RNF123: variants seen among roughly 807,000 people sequenced by gnomAD.
RNF123 encodes the protein E3 ubiquitin-protein ligase RNF123.
A neutral mutation model predicts 168.5 loss-of-function variants in RNF123; 86 were observed. The observed-to-expected ratio is 0.51, with a 90% CI of 0.43 to 0.61. The LOEUF (loss-of-function observed/expected upper bound fraction) is 0.61. Among genes scored for constraint, RNF123 ranks in the 20% least tolerant of loss-of-function variants. The pLI, the probability that RNF123 is intolerant of heterozygous loss-of-function variation, is 0.00. For missense variants in RNF123, 1,419 were observed against 1,729.7 expected (o/e 0.82, Z 3.19); for synonymous variants, 666 against 689.1 (o/e 0.97, Z 0.52).
chr3:49,720,949 A>G, intron 37 of RNF123, 55 bp downstream of exon 37: 1 of 1,609,220 alleles, frequency 6.2e-7, no homozygotes, highest in East Asian at 2.2e-5. Flanking sequence ...GTGCACTCCT[A>G]CACAGGCACA....
At chr3:49,718,533 C>G in intron 35 of RNF123, 1 of 1,613,184 alleles carries the variant, frequency 6.2e-7, no homozygotes, top group Non-Finnish European at 8.5e-7. Context: ...GCGGCGAAAC[C>G]CAGGCAATGC....
chr3:49,700,053 GCAAT>G, intron 12 of RNF123, 170 bp from the exon 13 acceptor site: 1 of 867,386 alleles, frequency 1.2e-6, no homozygotes, highest in Non-Finnish European at 1.7e-6. Context: ...GAGCCGTGGG[GCAAT>G]GGCCTTCTTG....
chr3:49,720,583 A>G lies in RNF123; in HGVS notation c.3573A>G (p.Gly1191=). The G allele has an allele frequency of 6.2e-7, 1 of 1,612,128 alleles. No individual in the cohort carries two copies. Among genetic ancestry groups the G allele is most frequent in the Non-Finnish European group, 8.5e-7 (1 of 1,178,860 alleles). ...TACGCTCAATATGCTATCTCCTGGGACAGCCAGAGCCCCCAGCACCTGGCA... is the reference window on the plus strand; with the variant it reads ...TACGCTCAATATGCTATCTCCTGGGGCAGCCAGAGCCCCCAGCACCTGGCA... ...FQLRSICYLL[G]QPEPPAPGTA... The change falls in exon 36 of 39, where the codon GGA becomes GGG. Residue 1191 remains glycine, a synonymous_variant. Transcript: ENST00000327697.
At chr3:49,704,932 G>A in intron 22 of RNF123, 52 bp from the exon 23 acceptor site, 1 of 1,532,792 alleles carries the variant, frequency 6.5e-7, no homozygotes, top group Non-Finnish European at 8.8e-7. Flanking sequence ...AGCCCCGTGG[G>A]CCAAGGGAAC....
chr3:49,713,570 C>T lies in RNF123; in HGVS notation c.2732C>T (p.Ala911Val). The T allele has an allele frequency of 6.2e-7, 1 of 1,612,592 alleles. No homozygotes were observed. The highest frequency in any genetic ancestry group is 8.5e-7 in the Non-Finnish European group (1 of 1,179,434). ...AAILAKHFAD[A>V]RIVGTDIRDS... ...ATTCTCGCCAAACACTTTGCCGACGCACGCATTGTGGGCACTGGTGAGGGG... is the reference window on the plus strand; with the variant it reads ...ATTCTCGCCAAACACTTTGCCGACGTACGCATTGTGGGCACTGGTGAGGGG... The change falls in exon 28 of 39, where the codon GCA becomes GTA. Residue 911 changes from alanine (A) to valine (V), a missense_variant. Transcript: ENST00000327697.
rs1026189193 is a variant in RNF123, at chr3:49,702,107, T to C, written c.1520T>C (p.Ile507Thr). 2 of 1,614,068 alleles carry C rather than the reference T, an allele frequency of 1.2e-6. No homozygotes were observed. The highest frequency in any genetic ancestry group is 1.6e-4 in the Middle Eastern group (1 of 6,062). Reference protein sequence around the residue: ...IEVVEELQVQILKLLLDNKDD... With the variant: ...IEVVEELQVQTLKLLLDNKDD... ...GTGGTGGAAGAACTACAGGTCCAGA[T>C]CCTGAAGCTGCTGCTGGACAATAAA... The change falls in exon 18 of 39, where the codon ATC (isoleucine) becomes ACC (threonine). Residue 507 changes from isoleucine (I) to threonine (T), a missense_variant. Physicochemically the swap from Ile to Thr is moderately conservative, Grantham distance 89. This residue lies in a region of RNF123 where 349 missense variants were observed against 344.9 expected (regional missense o/e 1.01). Transcript: ENST00000327697.
intron 31 of RNF123, 39 bp downstream of exon 31, chr3:49,714,213 C>G: frequency 6.3e-7 from 1 of 1,585,144 alleles, no homozygotes; most frequent in Non-Finnish European, 8.7e-7. Flanking sequence ...GCAAGGCAGG[C>G]GGGGGCGCTT....
chr3:49,698,404 G>T (rs368745565), intron 7 of RNF123, 36 bp from the exon 8 acceptor site: 2 of 1,575,494 alleles, frequency 1.3e-6, no homozygotes, highest in African/African-American at 2.7e-5. Context: ...GACCCTGCCT[G>T]CCTCACCAGG....
In RNF123 at chr3:49,713,897, C is replaced by A. The variant is rs1267964622; in HGVS notation, c.2838-13C>A. 4 of 1,613,568 alleles carry A rather than the reference C, an allele frequency of 2.5e-6. No homozygotes were observed. The highest frequency in any genetic ancestry group is 2.5e-6 in the Non-Finnish European group (3 of 1,179,728). On this transcript the variant is annotated splice_polypyrimidine_tract_variant and intron_variant, in intron 29 of 38. Coordinates refer to ENST00000327697, the MANE Select transcript of RNF123 (RefSeq NM_022064.5). ...CCAGCCTCACCCCGTCTCTCCCCTC[C>A]TTGCCCTCACAGGCGTATCGCCATG...
intron 35 of RNF123, chr3:49,718,792 C>T: frequency 6.2e-7 from 1 of 1,613,278 alleles, no homozygotes; most frequent in Non-Finnish European, 8.5e-7. Flanking sequence ...GTAGAGGCGG[C>T]AGTCGCAAGG....
At position 49,706,055 on chromosome 3, in the gene RNF123, G is replaced by A; in HGVS notation, c.2378G>A (p.Cys793Tyr). 1 of 1,614,120 alleles carries A rather than the reference G, an allele frequency of 6.2e-7. No individual in the cohort carries two copies. Among genetic ancestry groups the A allele is most frequent in the Non-Finnish European group, 8.5e-7 (1 of 1,179,978 alleles). ...LRDTEDKLRR[C>Y]PKRRKDILAE... ...GACACAGAGGACAAGCTCCGCCGGTGCCCCAAGAGGGTAAGGCCCACATAG... is the reference window on the plus strand; with the variant it reads ...GACACAGAGGACAAGCTCCGCCGGTACCCCAAGAGGGTAAGGCCCACATAG... The change falls in exon 25 of 39, where the codon TGC (cysteine) becomes TAC (tyrosine). Residue 793 changes from cysteine (C) to tyrosine (Y), a missense_variant. Physicochemically the swap from Cys to Tyr is radical, Grantham distance 194. Coordinates refer to ENST00000327697, the MANE Select transcript of RNF123 (RefSeq NM_022064.5).
In RNF123 at chr3:49,698,963, C is replaced by T. The variant is rs1559673217; in HGVS notation, c.639-17C>T. Reference sequence around the variant, plus strand: ...CACATGCTTAGCACTGGCTCACAGACCCACCCTTCTCCCCAGGAACGGTGT... The same window carrying T: ...CACATGCTTAGCACTGGCTCACAGATCCACCCTTCTCCCCAGGAACGGTGT... On this transcript the variant is annotated splice_polypyrimidine_tract_variant and intron_variant, in intron 9 of 38. Transcript: ENST00000327697. The T allele has an allele frequency of 6.2e-7, 1 of 1,613,166 alleles. No individual in the cohort carries two copies. Among genetic ancestry groups the T allele is most frequent in the Non-Finnish European group, 8.5e-7 (1 of 1,179,634 alleles).
intron 35 of RNF123, chr3:49,717,287 C>A (rs568793567): frequency 1.3e-5 from 2 of 155,848 alleles, no homozygotes; most frequent in African/African-American, 4.8e-5. Flanking sequence ...TCTTGAGGAG[C>A]CTTTCCTGCC....
rs372040126 is a variant in RNF123 at position 49,706,017 on chromosome 3, T to C, written c.2340T>C (p.Ala780=). Residue 780 remains alanine, a synonymous_variant, in exon 25 of 39, where the codon GCT becomes GCC. Coordinates refer to ENST00000327697, the MANE Select transcript of RNF123 (RefSeq NM_022064.5). ...VGVSDDVNEY[A]MALRDTEDKL... ...TCTCCGATGATGTCAATGAATACGCTATGGCTCTGAGGGACACAGAGGACA... is the reference window on the plus strand; with the variant it reads ...TCTCCGATGATGTCAATGAATACGCCATGGCTCTGAGGGACACAGAGGACA... 106 of 1,614,002 alleles carry C rather than the reference T, an allele frequency of 6.6e-5. No homozygotes were observed. Among genetic ancestry groups the C allele is most frequent in the Non-Finnish European group, 8.3e-5 (98 of 1,180,012 alleles).
chr3:49,705,619 G>A lies in RNF123; in HGVS notation c.2244G>A (p.Leu748=). The A allele has an allele frequency of 6.2e-7, 1 of 1,614,106 alleles. No individual in the cohort carries two copies. The highest frequency in any genetic ancestry group is 8.5e-7 in the Non-Finnish European group (1 of 1,180,004). Residue 748 remains leucine, a synonymous_variant, in exon 24 of 39, where the codon CTG becomes CTA. Transcript: ENST00000327697. The part of the protein sequence containing the change: ...PEQPLTENSL[L]EVLDGAVMMY... Reference sequence around the variant, plus strand: ...AGCCCCTCACCGAGAACTCGCTGCTGGAAGTCCTGGATGGGGCGGTCATGA... The same window carrying A: ...AGCCCCTCACCGAGAACTCGCTGCTAGAAGTCCTGGATGGGGCGGTCATGA...
In RNF123 at chr3:49,699,735, CACTG is replaced by C; in HGVS notation, c.948_951del (p.Leu317ProfsTer22). The C allele has an allele frequency of 6.2e-7, 1 of 1,613,734 alleles. No homozygotes were observed. Among genetic ancestry groups the C allele is most frequent in the Non-Finnish European group, 8.5e-7 (1 of 1,180,006 alleles). ...CGGGGCCAGCCCACCGTCCTCCTCA[CACTG>C]GCCCACATCTTCCATCACTTTGCAC... On this transcript the variant is annotated frameshift_variant, in exon 12 of 39. Transcript: ENST00000327697. LOFTEE classifies it high-confidence loss of function. The surrounding 1 kb of genome is among the most constrained non-coding windows in gnomAD (Gnocchi z 4.8).
intron 13 of RNF123, 37 bp downstream of exon 13, chr3:49,700,389 C>T: frequency 1.9e-6 from 3 of 1,613,184 alleles, no homozygotes; most frequent in Non-Finnish European, 2.5e-6. Flanking sequence ...GCCTGGCTGT[C>T]AGTCTTCACT....
chr3:49,705,116 C>T lies in RNF123; in HGVS notation c.2092C>T (p.Pro698Ser), dbSNP rs370368339. The change falls in exon 23 of 39, where the codon CCT becomes TCT. Residue 698 changes from proline to serine, a missense_variant. Around this residue, in one of 5 missense-constraint regions of RNF123, gnomAD observed 538 missense variants for 708.8 expected, o/e 0.76. Coordinates refer to ENST00000327697, the MANE Select transcript of RNF123 (RefSeq NM_022064.5). ...AAVSLMTPRR[P>S]LSTSEKVKVR... ...TGTGAGCCTCATGACCCCACGGCGG[C>T]CTCTGAGCACCTCGGAGAAAGTGAA... 5.6e-6 allele frequency: 9 copies of T among 1,609,932 alleles called. No homozygotes were observed. Among genetic ancestry groups the T allele is most frequent in the Non-Finnish European group, 6.8e-6 (8 of 1,178,166 alleles).
At chr3:49,711,429 C>T (rs1186860705) in intron 26 of RNF123, among the ~76,000 whole-genome samples, 1 of 152,194 alleles carries the variant, frequency 6.6e-6, no homozygotes, top group Non-Finnish European at 1.5e-5. Context: ...CCATCTCAAT[C>T]CGGCCGGCAC....
Sources: allele counts gnomAD v4.1 joint callset (sites outside exome capture counted in the v4.1 genomes callset), GRCh38; gene constraint gnomAD v4.1.1; regional missense constraint gnomAD v4.1.1; non-coding constraint Gnocchi (gnomAD v3.1); transcripts MANE v1.5; gene names NCBI Gene and HGNC (gene_info 2026-07-23, HGNC 2026-07-21).